Variants in CCNH observed in about 807,000 individuals in gnomAD.
The protein encoded by CCNH is cyclin H.
CCNH carries 31 observed loss-of-function variants against 41.9 expected under a neutral mutation model. That is an observed-to-expected ratio of 0.74 (90% CI 0.56 to 1.00). The LOEUF (loss-of-function observed/expected upper bound fraction) is 1.00, where lower values mean the gene tolerates loss of function less well. Among genes scored for constraint, CCNH ranks in the 50% least tolerant of loss-of-function variants. CCNH has a pLI of 0.00. For synonymous variants in CCNH, 138 were observed against 136.1 expected (o/e 1.01, Z -0.10); for missense variants, 362 against 388.4 (o/e 0.93, Z 0.57).
chr5:87,341,033 G>A lies in CCNH; in HGVS notation c.*91-22136C>T, dbSNP rs559757909. Reference sequence around the variant, plus strand: ...AAACTGATGTATCCAGATTAGAGTGGTGGAGTAGGACATAATTATATTAGT... The same window carrying A: ...AAACTGATGTATCCAGATTAGAGTGATGGAGTAGGACATAATTATATTAGT... On this transcript the variant is annotated intron_variant and NMD_transcript_variant, in intron 9 of 9. Coordinates refer to the CCNH transcript ENST00000645953. Among the ~76,000 whole-genome samples, 60 of 152,092 alleles carry A rather than the reference G, an allele frequency of 3.9e-4. 1 individual carries two copies. The South Asian group carries it at 9.9e-3, about 25-fold the overall frequency.
At chr5:87,375,522 A>C (rs1761267247), downstream of CCNH, among the ~76,000 whole-genome samples, 1 of 152,168 alleles carries the variant, frequency 6.6e-6, no homozygotes, top group African/African-American at 2.4e-5. Flanking sequence ...CGGCCTCCCA[A>C]AATGCTGGGA....
downstream of CCNH, chr5:87,390,790 C>G: frequency 6.2e-7 from 1 of 1,604,336 alleles, no homozygotes; most frequent in South Asian, 1.1e-5. Flanking sequence ...ACCATTTTTC[C>G]TCTGTCTAGC....
At chr5:87,398,958 GC>G (rs1763178842) in intron 7 of CCNH, among the ~76,000 whole-genome samples, 1 of 150,712 alleles carries the variant, frequency 6.6e-6, no homozygotes, top group South Asian at 2.1e-4. Flanking sequence ...GGGCAATAGA[GC>G]GAGACTCCAT....
Position 87,412,890 on chromosome 5 carries a change from G to C in CCNH, c.-96C>G, listed in dbSNP as rs1170266583. On this transcript the variant is annotated 5_prime_UTR_variant, in exon 1 of 9. Transcript: ENST00000256897. ...CACCCGTACCCCCACCGAAGATCTCGCGGAAGCCTAGGGCGTCCGGCTAGC... is the reference window on the plus strand; with the variant it reads ...CACCCGTACCCCCACCGAAGATCTCCCGGAAGCCTAGGGCGTCCGGCTAGC... The C allele has an allele frequency of 3.3e-5, 51 of 1,542,242 alleles. No homozygotes were observed. The highest frequency in any genetic ancestry group is 3.5e-6 in the Non-Finnish European group (4 of 1,141,612).
downstream of CCNH, among the ~76,000 whole-genome samples, chr5:87,317,833 G>A (rs1220940721): frequency 2.0e-5 from 3 of 151,890 alleles, no homozygotes; most frequent in Admixed American, 6.6e-5. Flanking sequence ...ACAGGGTTTT[G>A]CCATGTTGCC....
At position 87,385,281 on chromosome 5, in the gene CCNH, T is replaced by A. The variant is rs772165648; in HGVS notation, c.*90+7489A>T. 2.0e-6 allele frequency: 3 copies of A among 1,518,988 alleles called. No homozygotes were observed. Among genetic ancestry groups the A allele is most frequent in the South Asian group, 2.2e-5 (2 of 88,988 alleles). 94.1% of individuals were successfully genotyped at this position (1,518,988 alleles called of 1,614,324 possible). A position where few individuals can be genotyped will look rare whatever the true frequency, so the allele number is the denominator to read the frequency against. Reference sequence around the variant, plus strand: ...TGCTGTTGGACTTGGTGTCATTAGCTGTGCCCAATTCTGTTACAGATTCTC... The same window carrying A: ...TGCTGTTGGACTTGGTGTCATTAGCAGTGCCCAATTCTGTTACAGATTCTC... On this transcript the variant is annotated intron_variant and NMD_transcript_variant, in intron 9 of 9. Coordinates refer to the CCNH transcript ENST00000645953.
chr5:87,350,289 T>C (rs774803940), intron 9 of CCNH, among the ~76,000 whole-genome samples: 8 of 151,890 alleles, frequency 5.3e-5, no homozygotes, highest in Non-Finnish European at 1.2e-4. Flanking sequence ...TACAGGTTGC[T>C]TGAGTACTTT....
downstream of CCNH, chr5:87,391,268 A>AGAAACACATTCT (rs1762494718): frequency 2.6e-6 from 1 of 387,056 alleles, no homozygotes; most frequent in African/African-American, 2.0e-5. Context: ...TCAACTGACA[A>AGAAACACATTCT]GAAACACATT....
At chr5:87,335,896 A>T (rs1336001536) in intron 9 of CCNH, among the ~76,000 whole-genome samples, 1 of 152,224 alleles carries the variant, frequency 6.6e-6, no homozygotes, top group Non-Finnish European at 1.5e-5. Flanking sequence ...GAATGCATAA[A>T]GTTCACTGAT....
At chr5:87,372,652 C>T (rs1446439752), downstream of CCNH, among the ~76,000 whole-genome samples, 1 of 152,130 alleles carries the variant, frequency 6.6e-6, no homozygotes, top group Non-Finnish European at 1.5e-5. Context: ...ATGCCCTATA[C>T]TTTGAGATTT....
At chr5:87,390,979 C>G (rs983905296), downstream of CCNH, 57 of 1,199,938 alleles carry the variant, frequency 4.8e-5, no homozygotes, top group South Asian at 6.3e-4. Context: ...AAAAATAGCA[C>G]ACTTTTCCAC....
Position 87,408,075 on chromosome 5 carries a change from C to T in CCNH, c.426G>A (p.Gln142=), listed in dbSNP as rs1763930362. 7 of 1,613,108 alleles carry T rather than the reference C, an allele frequency of 4.3e-6. No homozygotes were observed. Among genetic ancestry groups the T allele is most frequent in the Non-Finnish European group, 5.9e-6 (7 of 1,179,072 alleles). The change falls in exon 4 of 9, where the codon CAG becomes CAA. Residue 142 remains glutamine (Q), a synonymous_variant. Coordinates refer to ENST00000256897, the MANE Select transcript of CCNH (RefSeq NM_001239.4). ...TAAGAAGTAGTTCATATTCCAGTAT[C>T]TGTTCAAGTGCCTTCTCCTGTCCAA... ...SPLGQEKALE[Q]ILEYELLLIQ... is the part of the protein sequence containing the mutation.
intron 9 of CCNH, chr5:87,333,404 T>TG: frequency 6.3e-7 from 1 of 1,589,936 alleles, no homozygotes; most frequent in Non-Finnish European, 8.5e-7. Context: ...TTATTACTCT[T>TG]GGACTAGGAA....
chr5:87,409,207 A>T lies in CCNH; in HGVS notation c.314+83T>A. On this transcript the variant is annotated intron_variant, in intron 3 of 8. Transcript: ENST00000256897. ...AGTCAGTTCTCTCTCTCTCTCTCTC[A>T]CAATTCTCTCCTCCCAAAAAATACT... is the stretch of plus-strand genomic sequence containing the variant. The T allele has an allele frequency of 5.5e-6, 4 of 721,014 alleles. No individual in the cohort carries two copies. The East Asian group carries it at 1.1e-4, about 19-fold the overall frequency. The allele number at this position is 721,014 out of a possible 1,614,324, so 44.7% of individuals were successfully genotyped here. A position where few individuals can be genotyped will look rare whatever the true frequency, so the allele number is the denominator to read the frequency against.
intron 9 of CCNH, among the ~76,000 whole-genome samples, chr5:87,354,573 C>G (rs749462092): frequency 6.6e-5 from 10 of 152,080 alleles, no homozygotes; most frequent in Non-Finnish European, 1.2e-4. Flanking sequence ...TTGGGGCTTC[C>G]TATTTCTGCA....
downstream of CCNH, chr5:87,386,716 CA>C (rs1333485551): frequency 5.7e-6 from 5 of 872,600 alleles, no homozygotes; most frequent in African/African-American, 1.7e-5. Flanking sequence ...TAATTTGGTG[CA>C]ATAGTAATTG....
At chr5:87,362,557 G>T (rs2112456388) in intron 9 of CCNH, 1 of 1,590,196 alleles carries the variant, frequency 6.3e-7, no homozygotes, top group Non-Finnish European at 8.6e-7. Flanking sequence ...TCAGGATCAA[G>T]AACAAGTACT....
chr5:87,330,335 A>G (rs1332196737), intron 9 of CCNH, among the ~76,000 whole-genome samples: 1 of 152,130 alleles, frequency 6.6e-6, no homozygotes, highest in Non-Finnish European at 1.5e-5. Flanking sequence ...AAATACATAC[A>G]TTATTACACA....
chr5:87,338,573 T>C (rs1335943074), intron 9 of CCNH, among the ~76,000 whole-genome samples: 1 of 143,420 alleles, frequency 7.0e-6, no homozygotes, highest in Non-Finnish European at 1.5e-5. Flanking sequence ...GGTTTTACCA[T>C]GTTGGCCAGG....
Sources: gnomAD v4.1 joint callset for allele counts (sites outside exome capture counted in the v4.1 genomes callset) on GRCh38, gnomAD v4.1.1 for gene constraint, MANE v1.5 for transcripts, NCBI Gene and HGNC (gene_info 2026-07-23, HGNC 2026-07-21) for gene names.